COL6A2: variants seen among roughly 807,000 people sequenced by gnomAD.
The protein encoded by COL6A2 is collagen type VI alpha 2 chain, also known as collagen alpha-2(VI) chain.
In COL6A2, 90 loss-of-function variants were observed where a neutral mutation model predicts 124.9. The observed-to-expected ratio is 0.72, with a 90% CI of 0.61 to 0.86. The LOEUF is 0.86. Among genes scored for constraint, COL6A2 ranks in the 40% least tolerant of loss-of-function variants. The probability of loss-of-function intolerance (pLI) is 0.00; values close to 1 mark genes in which losing one functional copy is unlikely to be tolerated. For synonymous variants in COL6A2, 793 were observed against 618.2 expected (o/e 1.28, Z -4.19); for missense variants, 1,607 against 1,502.5 (o/e 1.07, Z -1.15).
intron 1 of COL6A2, 181 bp from the exon 2 acceptor site, chr21:46,111,269 G>T: frequency 1.8e-6 from 1 of 559,586 alleles, no homozygotes; most frequent in Admixed American, 3.0e-5. Flanking sequence ...TGGGGCAAGA[G>T]GGCGCAAGCC....
chr21:46,121,424 G>A (rs1601237906), intron 17 of COL6A2, 132 bp from the exon 18 acceptor site: 1 of 889,200 alleles, frequency 1.1e-6, no homozygotes, highest in African/African-American at 1.7e-5. Flanking sequence ...GAGGTCCACG[G>A]CCCCCACAGG....
At position 46,129,876 on chromosome 21, in the gene COL6A2, G is replaced by A. The variant is rs568799907; in HGVS notation, c.2462-2078G>A. The A allele has an allele frequency of 1.4e-3, 1,456 of 1,028,040 alleles. 2 individuals are homozygous for A. The highest frequency in any genetic ancestry group is 1.6e-3 in the Non-Finnish European group (1,397 of 856,494). 63.7% of individuals were successfully genotyped at this position (1,028,040 alleles called of 1,614,324 possible). On this transcript the variant is annotated intron_variant, in intron 27 of 27. Transcript: ENST00000300527. ...CCAGGGTTTGGGTGTGGAAGTCTTT[G>A]GAGGCCCTTACTTAGCGGCCCAGCT...
intron 1 of COL6A2, among the ~76,000 whole-genome samples, chr21:46,099,717 G>C (rs1449484326): frequency 6.6e-6 from 1 of 152,122 alleles, no homozygotes; most frequent in Non-Finnish European, 1.5e-5. Flanking sequence ...GCCCCGCCCA[G>C]CGGCCCTTCC....
chr21:46,126,801 G>T (rs2078677206), intron 27 of COL6A2, among the ~76,000 whole-genome samples: 4 of 152,190 alleles, frequency 2.6e-5, no homozygotes. Context: ...GCTGTGCTCG[G>T]CATGTGGCCA....
chr21:46,121,202 C>G, intron 17 of COL6A2, 79 bp downstream of exon 17: 1 of 1,391,946 alleles, frequency 7.2e-7, no homozygotes, highest in Non-Finnish European at 1.0e-6. Flanking sequence ...CAGCCTGGAG[C>G]TAGCCACTGT....
chr21:46,111,376 G>A (rs1023002636), intron 1 of COL6A2, 74 bp from the exon 2 acceptor site: 42 of 813,888 alleles, frequency 5.2e-5, no homozygotes, highest in South Asian at 5.1e-4. Flanking sequence ...CCTGCTGTGC[G>A]TGCGCCTGCC....
rs532656197 is a variant in COL6A2 at position 46,132,469 on chromosome 21, C to T, written c.2977C>T (p.Arg993Cys). ...DVLTTLSLGD[R>C]AAVFHEKDYD... Reference sequence around the variant, plus strand: ...GCTCACCACGCTCAGCCTGGGTGACCGCGCCGCCGTGTTCCACGAGAAGGA... The same window carrying T: ...GCTCACCACGCTCAGCCTGGGTGACTGCGCCGCCGTGTTCCACGAGAAGGA... The change falls in exon 28 of 28, where the codon CGC becomes TGC. Residue 993 changes from arginine (R) to cysteine (C), a missense_variant. By Grantham distance (180) the Arg-to-Cys change is radical. Coordinates refer to ENST00000300527, the MANE Select transcript of COL6A2 (RefSeq NM_001849.4). The T allele has an allele frequency of 2.1e-5, 33 of 1,606,156 alleles. No homozygotes were observed. Among genetic ancestry groups the T allele is most frequent in the African/African-American group, 8.0e-5 (6 of 74,964 alleles).
intron 18 of COL6A2, 107 bp downstream of exon 18, chr21:46,121,725 A>C: frequency 8.9e-7 from 1 of 1,121,518 alleles, no homozygotes; most frequent in South Asian, 1.3e-5. Context: ...GACGTGCCTC[A>C]GGACGGGCCT....
rs1480762057 is a variant in COL6A2 at position 46,120,503 on chromosome 21, C to T, written c.1333-12C>T. 3.3e-6 allele frequency: 5 copies of T among 1,521,918 alleles called. No homozygotes were observed. The East Asian group carries it at 7.5e-5, about 23-fold the overall frequency. 94.3% of individuals were successfully genotyped at this position (1,521,918 alleles called of 1,614,324 possible). ...AGCTGAGACCCGTGGGGCCTCCCTT[C>T]CCTTCCCACAGGGGGACCCTGGCCC... is the stretch of plus-strand genomic sequence containing the variant. On this transcript the variant is annotated splice_polypyrimidine_tract_variant and intron_variant, in intron 15 of 27. Coordinates refer to ENST00000300527, the MANE Select transcript of COL6A2 (RefSeq NM_001849.4).
intron 17 of COL6A2, 96 bp from the exon 18 acceptor site, chr21:46,121,460 G>A (rs2078564829): frequency 2.5e-6 from 3 of 1,205,548 alleles, no homozygotes; most frequent in Non-Finnish European, 3.7e-6. Context: ...CGGCCATGTG[G>A]CCTGGTGGTC....
At position 46,112,039 on chromosome 21, in the gene COL6A2, T is replaced by G. The variant is rs886043225; in HGVS notation, c.176T>G (p.Met59Arg). 1 of 1,612,990 alleles carries G rather than the reference T, an allele frequency of 6.2e-7. No individual in the cohort carries two copies. Among genetic ancestry groups the G allele is most frequent in the Non-Finnish European group, 8.5e-7 (1 of 1,179,992 alleles). Residue 59 changes from methionine to arginine, a missense_variant, in exon 3 of 28, where the codon ATG becomes AGG. By Grantham distance (91) the Met-to-Arg change is moderately conservative. Transcript: ENST00000300527. ...FVLDTSESVT[M>R]QSPTDILLFH... is the part of the protein sequence containing the mutation. ...CTGGACACCTCGGAGAGCGTCACCA[T>G]GCAGTCCCCCACGGACATCCTGCTC...
At chr21:46,113,402 G>T (rs985730263) in intron 4 of COL6A2, among the ~76,000 whole-genome samples, 10 of 151,760 alleles carry the variant, frequency 6.6e-5, no homozygotes, top group Non-Finnish European at 1.2e-4. Context: ...TTAGAGACAG[G>T]GTCTTTCTCT....
chr21:46,129,587 T>A (rs2078731389), intron 27 of COL6A2: 2 of 1,444,248 alleles, frequency 1.4e-6, no homozygotes, highest in Admixed American at 2.8e-5. Flanking sequence ...AGGCCAGAGA[T>A]CTGGAATCGG....
chr21:46,132,519 C>T lies in COL6A2; in HGVS notation c.3027C>T (p.Gly1009=). 4 of 1,606,120 alleles carry T rather than the reference C, an allele frequency of 2.5e-6. No individual in the cohort carries two copies. The highest frequency in any genetic ancestry group is 3.4e-6 in the Non-Finnish European group (4 of 1,179,304). Residue 1009 remains glycine (G), a synonymous_variant, in exon 28 of 28, where the codon GGC becomes GGT. Coordinates refer to ENST00000300527, the MANE Select transcript of COL6A2 (RefSeq NM_001849.4). ...EKDYDSLAQP[G]FFDRFIRWIC The stretch of plus-strand genomic sequence containing the variant: ...ACTATGACAGCCTGGCGCAACCCGG[C>T]TTCTTCGACCGCTTCATCCGCTGGA...
chr21:46,132,301 C>G lies in COL6A2; in HGVS notation c.2809C>G (p.Arg937Gly). The G allele has an allele frequency of 6.2e-7, 1 of 1,606,170 alleles. No individual in the cohort carries two copies. Among genetic ancestry groups the G allele is most frequent in the Non-Finnish European group, 8.5e-7 (1 of 1,179,350 alleles). ...AIVRSPRGGA[R>G]RHAELSFVFL... ...CGTGCGCAGCCCGCGTGGCGGGGCC[C>G]GGAGGCACGCAGAGCTGTCCTTCGT... The change falls in exon 28 of 28, where the codon CGG (arginine) becomes GGG (glycine). Residue 937 changes from arginine (R) to glycine (G), a missense_variant. Around this residue, in one of 3 missense-constraint regions of COL6A2, gnomAD observed 1,223 missense variants for 1,052.2 expected, o/e 1.16. Coordinates refer to ENST00000300527, the MANE Select transcript of COL6A2 (RefSeq NM_001849.4).
intron 1 of COL6A2, among the ~76,000 whole-genome samples, chr21:46,100,891 C>T (rs911781202): frequency 6.6e-6 from 1 of 152,228 alleles, no homozygotes; most frequent in Non-Finnish European, 1.5e-5. Flanking sequence ...GGAGATCCCA[C>T]TTTCACTTCT....
chr21:46,120,186 G>A (rs540676506), intron 15 of COL6A2, among the ~76,000 whole-genome samples: 1 of 86,878 alleles, frequency 1.2e-5, no homozygotes, highest in South Asian at 4.0e-4. Flanking sequence ...GTGACCTCAG[G>A]GGTGATGCTG....
At chr21:46,131,641 G>C (rs1356756843) in intron 27 of COL6A2, among the ~76,000 whole-genome samples, 1 of 152,112 alleles carries the variant, frequency 6.6e-6, no homozygotes, top group Non-Finnish European at 1.5e-5. Context: ...GGATGCTTTG[G>C]GCCCCTTCCC....
At position 46,132,475 on chromosome 21, in the gene COL6A2, G is replaced by A. The variant is rs35139588; in HGVS notation, c.2983G>A (p.Ala995Thr). Residue 995 changes from alanine (A) to threonine (T), a missense_variant, in exon 28 of 28, where the codon GCC becomes ACC. By Grantham distance (58) the Ala-to-Thr change is moderately conservative (BLOSUM62 0). Coordinates refer to ENST00000300527, the MANE Select transcript of COL6A2 (RefSeq NM_001849.4). The part of the protein sequence containing the change: ...LTTLSLGDRA[A>T]VFHEKDYDSL... Reference sequence around the variant, plus strand: ...CACGCTCAGCCTGGGTGACCGCGCCGCCGTGTTCCACGAGAAGGACTATGA... The same window carrying A: ...CACGCTCAGCCTGGGTGACCGCGCCACCGTGTTCCACGAGAAGGACTATGA... 3,159 of 1,606,758 alleles carry A rather than the reference G, an allele frequency of 2.0e-3. 38 individuals carry two copies. The African/African-American group carries it at 0.032, about 16-fold the overall frequency.
Sources: gnomAD v4.1 joint callset for allele counts (sites outside exome capture counted in the v4.1 genomes callset) on GRCh38, gnomAD v4.1.1 for gene constraint, gnomAD v4.1.1 regional missense constraint, MANE v1.5 for transcripts, NCBI Gene and HGNC (gene_info 2026-07-23, HGNC 2026-07-21) for gene names.